The following OTOA variants were observed in gnomAD, a reference collection of about 807,000 sequenced individuals.
OTOA encodes the protein otoancorin, also known as cancer/testis antigen 108.
In OTOA, 70 loss-of-function variants were observed where a neutral mutation model predicts 110.8. The ratio of observed to expected loss-of-function variants is 0.63; its 90% CI spans 0.52 to 0.77. OTOA has a LOEUF of 0.77. Ranked by LOEUF, OTOA falls within the 30% of genes least tolerant of loss-of-function variation. The pLI, the probability that OTOA is intolerant of heterozygous loss-of-function variation, is 0.00. For synonymous variants in OTOA, 373 were observed against 431.5 expected, an observed-to-expected ratio of 0.86 and a Z score of 1.68; for missense variants, 917 against 1,075.8, an observed-to-expected ratio of 0.85 and a Z score of 2.06.
chr16:21,695,017 G>A (rs1897903108), intron 9 of OTOA, among the ~76,000 whole-genome samples: 1 of 143,680 alleles, frequency 7.0e-6, no homozygotes, highest in Non-Finnish European at 1.5e-5. Context: ...TTAAACTACA[G>A]TGAGTTAAAA....
chr16:21,699,891 C>T (rs1223116541), intron 10 of OTOA, among the ~76,000 whole-genome samples: 1 of 151,646 alleles, frequency 6.6e-6, no homozygotes, highest in Non-Finnish European at 1.5e-5. Flanking sequence ...TGCACTCCAG[C>T]CTGGGTGACA....
At chr16:21,702,415 T>C (rs1051536869) in intron 11 of OTOA, among the ~76,000 whole-genome samples, 2 of 152,226 alleles carry the variant, frequency 1.3e-5, no homozygotes, top group African/African-American at 2.4e-5. Flanking sequence ...CTTATTAGCA[T>C]GTGTCTCATT....
At chr16:21,734,093 C>G (rs1899205190) in intron 21 of OTOA, among the ~76,000 whole-genome samples, 1 of 151,084 alleles carries the variant, frequency 6.6e-6, no homozygotes, top group Non-Finnish European at 1.5e-5. Context: ...GCCACCGCAC[C>G]TGACCTGTGT....
intron 2 of OTOA, 50 bp downstream of exon 2, chr16:21,678,655 G>A (rs777138490): frequency 4.6e-6 from 7 of 1,513,252 alleles, no homozygotes; most frequent in Non-Finnish European, 5.5e-6. Flanking sequence ...ACAGTTTAGG[G>A]AATGAGGTGG....
intron 1 of OTOA, among the ~76,000 whole-genome samples, chr16:21,673,248 T>C (rs1164184673): frequency 2.0e-5 from 3 of 152,216 alleles, no homozygotes; most frequent in Admixed American, 2.0e-4. Context: ...ATTGGTTACA[T>C]GTTATGTAAC....
chr16:21,759,022 A>C (rs1900083683), intron 28 of OTOA, among the ~76,000 whole-genome samples: 1 of 152,004 alleles, frequency 6.6e-6, no homozygotes, highest in Non-Finnish European at 1.5e-5. Context: ...ACAGCAACAA[A>C]AAAAACTTTC....
In OTOA at chr16:21,729,040, C is replaced by T. The variant is rs532976976; in HGVS notation, c.2207+609C>T. On this transcript the variant is annotated intron_variant, in intron 20 of 28. Coordinates refer to ENST00000646100, the MANE Select transcript of OTOA (RefSeq NM_144672.4). ...AGTGGTATTATTATTAGTTTAAAGA[C>T]TATTTTTTTTTTAAATGGGGTCTCG... is the stretch of plus-strand genomic sequence containing the variant. 9.7e-5 allele frequency among the ~76,000 whole-genome samples: 13 copies of T among 134,200 alleles called. No homozygotes were observed. In the South Asian group the frequency reaches 2.8e-3, roughly 29 times the overall value. The allele number at this position is 134,200 out of a possible 152,430, so 88.0% of individuals were successfully genotyped here.
intron 1 of OTOA, among the ~76,000 whole-genome samples, chr16:21,674,699 T>C (rs552013183): frequency 4.0e-5 from 6 of 151,882 alleles, no homozygotes; most frequent in Non-Finnish European, 8.8e-5. Context: ...GTGGTTTCAG[T>C]GGTCATTTTC....
Position 21,709,959 on chromosome 16 carries a change from T to A in OTOA, c.1176T>A (p.Asp392Glu). ...ATGAGACCCTGGGTTCTTTGTCGGA[T>A]GCAGTTGTAGGTTTGACCTACAGCC... ...TLNETLGSLS[D>E]AVVGLTYSQL... Residue 392 changes from aspartate to glutamate, a missense_variant, in exon 13 of 29, where the codon GAT becomes GAA. Asp to Glu is a conservative substitution (Grantham distance 45). Coordinates refer to ENST00000646100, the MANE Select transcript of OTOA (RefSeq NM_144672.4). 2.5e-6 allele frequency: 4 copies of A among 1,614,022 alleles called. No homozygotes were observed. The highest frequency in any genetic ancestry group is 3.4e-6 in the Non-Finnish European group (4 of 1,179,940).
At chr16:21,719,068 G>T in intron 15 of OTOA, 65 bp from the exon 16 acceptor site, 1 of 1,472,188 alleles carries the variant, frequency 6.8e-7, no homozygotes, top group East Asian at 2.3e-5. Context: ...TTCCTGATAG[G>T]GCCTCACAGT....
chr16:21,684,418 A>G, intron 6 of OTOA: 1 of 1,524,776 alleles, frequency 6.6e-7, no homozygotes, highest in Non-Finnish European at 8.9e-7. Context: ...GGCGCCACAG[A>G]GTATGTTCAT....
At chr16:21,705,434 C>T in intron 12 of OTOA, 142 bp downstream of exon 12, 1 of 1,267,248 alleles carries the variant, frequency 7.9e-7, no homozygotes, top group Non-Finnish European at 1.1e-6. Context: ...GATGGCATCT[C>T]AAATACTGAG....
chr16:21,720,483 G>A (rs910955319), intron 17 of OTOA, among the ~76,000 whole-genome samples: 1 of 152,176 alleles, frequency 6.6e-6, no homozygotes, highest in Non-Finnish European at 1.5e-5. Context: ...GATCATTACA[G>A]GAATATGCAA....
chr16:21,726,970 T>G (rs1898937761), intron 19 of OTOA: 10 of 383,804 alleles, frequency 2.6e-5, no homozygotes, highest in South Asian at 1.8e-4. Flanking sequence ...AGCCTCAGTC[T>G]TCTCATCTGT....
Position 21,728,385 on chromosome 16 carries a change from C to T in OTOA, c.2161C>T (p.Pro721Ser). Residue 721 changes from proline (P) to serine (S), a missense_variant, in exon 20 of 29, where the codon CCT becomes TCT. Pro to Ser is a moderately conservative substitution (Grantham distance 74, BLOSUM62 -1). Coordinates refer to ENST00000646100, the MANE Select transcript of OTOA (RefSeq NM_144672.4). ...HGLRDCPDLN[P>S]EQKAAVRLKL... The stretch of plus-strand genomic sequence containing the variant: ...CCTCAGAGACTGCCCAGACCTCAAC[C>T]CTGAGCAAAAGGCTGCAGTGAGGCT... The T allele has an allele frequency of 6.2e-7, 1 of 1,614,128 alleles. No individual in the cohort carries two copies. The highest frequency in any genetic ancestry group is 8.5e-7 in the Non-Finnish European group (1 of 1,180,016).
intron 17 of OTOA, 81 bp downstream of exon 17, chr16:21,719,585 G>C (rs1597839589): frequency 1.6e-6 from 2 of 1,277,240 alleles, no homozygotes; most frequent in East Asian, 4.6e-5. Context: ...GGCATCTAAA[G>C]ATCTTTATGC....
chr16:21,751,763 T>C (rs1899832855), intron 24 of OTOA, among the ~76,000 whole-genome samples, 172 bp from the exon 25 acceptor site: 1 of 111,726 alleles, frequency 9.0e-6, no homozygotes, highest in Non-Finnish European at 2.0e-5. Context: ...TGAAGTAGTA[T>C]CTTAAGGACA....
chr16:21,701,057 C>A, intron 11 of OTOA, 30 bp downstream of exon 11: 1 of 1,613,926 alleles, frequency 6.2e-7, no homozygotes, highest in Non-Finnish European at 8.5e-7. Context: ...GCCTTGGAGC[C>A]CTTTCCCAAG....
intron 17 of OTOA, among the ~76,000 whole-genome samples, chr16:21,720,254 C>T (rs917183941): frequency 6.6e-6 from 1 of 152,150 alleles, no homozygotes; most frequent in African/African-American, 2.4e-5. Context: ...CTTCACCCAG[C>T]CAGTGACTGA....
Sources: allele counts gnomAD v4.1 joint callset (sites outside exome capture counted in the v4.1 genomes callset), GRCh38; gene constraint gnomAD v4.1.1; transcripts MANE v1.5; gene names NCBI Gene and HGNC (gene_info 2026-07-23, HGNC 2026-07-21).